CKAP5: variants seen among roughly 807,000 people sequenced by gnomAD.
The protein encoded by CKAP5 is cytoskeleton-associated protein 5.
CKAP5 carries 27 observed loss-of-function variants against 232.8 expected under a neutral mutation model. The observed-to-expected ratio is 0.12, with a 90% CI of 0.09 to 0.16. The LOEUF is 0.16. Ranked by LOEUF, CKAP5 falls within the 10% of genes least tolerant of loss-of-function variation. CKAP5 has a pLI of 1.00. For synonymous variants in CKAP5, 785 were observed against 841.1 expected (o/e 0.93, Z 1.16); for missense variants, 1,838 against 2,424.7 (o/e 0.76, Z 5.08).
chr11:46,756,921 A>AT lies in CKAP5; in HGVS notation c.4690-1855dup, dbSNP rs574875888. Among the ~76,000 whole-genome samples the AT allele has an allele frequency of 7.7e-3, 1,013 of 131,142 alleles. 11 individuals are homozygous for AT. Among genetic ancestry groups the AT allele is most frequent in the African/African-American group, 0.017 (618 of 35,794 alleles). 86.0% of individuals were successfully genotyped at this position (131,142 alleles called of 152,430 possible). ...CAGGCATGTGCCACTATGCCCGGCT[A>AT]TTTTTTTTTTTTTTTGTATTTTTAA... is the stretch of plus-strand genomic sequence containing the variant. On this transcript the variant is annotated intron_variant, in intron 35 of 43. Transcript: ENST00000529230.
At chr11:46,821,884 C>A (rs1939542507) in intron 1 of CKAP5, among the ~76,000 whole-genome samples, 1 of 151,746 alleles carries the variant, frequency 6.6e-6, no homozygotes, top group African/African-American at 2.4e-5. Flanking sequence ...ATTGAAAATA[C>A]AAAAATTAGC....
rs764454778 is a variant in CKAP5, at chr11:46,759,232, T to C, written c.4568+37A>G. On this transcript the variant is annotated intron_variant, in intron 34 of 43. Coordinates refer to ENST00000529230, the MANE Select transcript of CKAP5 (RefSeq NM_001008938.4). Reference sequence around the variant, plus strand: ...TTTCACGTAGGCCGTCTGATCATCATGAACTGCTCATATTTAAATGAAAGA... The same window carrying C: ...TTTCACGTAGGCCGTCTGATCATCACGAACTGCTCATATTTAAATGAAAGA... The C allele has an allele frequency of 1.0e-5, 16 of 1,591,038 alleles. 1 individual carries two copies. Among genetic ancestry groups the C allele is most frequent in the African/African-American group, 1.3e-5 (1 of 74,340 alleles).
intron 27 of CKAP5, among the ~76,000 whole-genome samples, chr11:46,766,658 G>A (rs907496560): frequency 9.9e-5 from 15 of 152,010 alleles, no homozygotes; most frequent in South Asian, 2.1e-4. Context: ...GCACAGTTTT[G>A]CAATTTTCCT....
At chr11:46,761,865 G>T in intron 32 of CKAP5, 135 bp downstream of exon 32, 1 of 636,196 alleles carries the variant, frequency 1.6e-6, no homozygotes, top group East Asian at 2.7e-5. Flanking sequence ...CTGGATTCTA[G>T]GACACATTGA....
chr11:46,777,390 T>C, intron 23 of CKAP5, 49 bp downstream of exon 23: 1 of 1,156,832 alleles, frequency 8.6e-7, no homozygotes, highest in Admixed American at 1.8e-5. Context: ...CCCAAAAATA[T>C]GGCTGGCCTA....
chr11:46,844,642 A>AT (rs1293007059), intron 1 of CKAP5, among the ~76,000 whole-genome samples: 6 of 151,804 alleles, frequency 4.0e-5, no homozygotes, highest in Admixed American at 6.6e-5. Context: ...CTTTTAAAAA[A>AT]TTTTTTTTCT....
intron 16 of CKAP5, among the ~76,000 whole-genome samples, chr11:46,787,249 T>C (rs1209429968): frequency 6.6e-6 from 1 of 152,078 alleles, no homozygotes; most frequent in Non-Finnish European, 1.5e-5. Flanking sequence ...ACGAATAAGG[T>C]GCTATGTAAC....
At chr11:46,806,435 T>C (rs1939157167) in intron 8 of CKAP5, among the ~76,000 whole-genome samples, 1 of 152,246 alleles carries the variant, frequency 6.6e-6, no homozygotes, top group Non-Finnish European at 1.5e-5. Flanking sequence ...ACAGAGAATC[T>C]GTAGCTCTCT....
rs1404761415 is a variant in CKAP5 at position 46,777,003 on chromosome 11, T to C, written c.2862+436A>G. Among the ~76,000 whole-genome samples the C allele has an allele frequency of 2.0e-5, 3 of 152,258 alleles. No individual in the cohort carries two copies. In the East Asian group the frequency reaches 5.8e-4, roughly 29 times the overall value. On this transcript the variant is annotated intron_variant, in intron 23 of 43. Coordinates refer to ENST00000529230, the MANE Select transcript of CKAP5 (RefSeq NM_001008938.4). ...GAACTACTAGAAGATCCCACTCTAA[T>C]AGTTCAGAAAAATAAAAGTAGAAAA... is the stretch of plus-strand genomic sequence containing the variant.
intron 1 of CKAP5, among the ~76,000 whole-genome samples, chr11:46,835,482 G>GAA (rs1166734686): frequency 3.2e-4 from 46 of 144,066 alleles, no homozygotes; most frequent in African/African-American, 1.1e-3. Flanking sequence ...TGTTCAAAAA[G>GAA]AAAAAAAAAA....
intron 16 of CKAP5, among the ~76,000 whole-genome samples, chr11:46,785,692 C>A (rs1242408801): frequency 1.3e-5 from 2 of 152,246 alleles, no homozygotes; most frequent in South Asian, 2.1e-4. Context: ...TGCCTGTAAT[C>A]CCAGCACTTT....
At chr11:46,753,123 T>G (rs2065082513) in intron 37 of CKAP5, 187 bp downstream of exon 37, 1 of 492,890 alleles carries the variant, frequency 2.0e-6, no homozygotes. Context: ...ATAAATCAAC[T>G]TCCTAGGCAC....
intron 8 of CKAP5, among the ~76,000 whole-genome samples, chr11:46,806,817 G>C (rs1939165753): frequency 6.6e-6 from 1 of 152,192 alleles, no homozygotes; most frequent in Non-Finnish European, 1.5e-5. Context: ...TCAGAGCTGT[G>C]AACATTTTGT....
Position 46,755,083 on chromosome 11 carries a change from T to C in CKAP5, c.4690-16A>G, listed in dbSNP as rs1376892953. On this transcript the variant is annotated splice_polypyrimidine_tract_variant and intron_variant, in intron 35 of 43. Transcript: ENST00000529230. Reference sequence around the variant, plus strand: ...CCTCATCGATCTGATAACAAAAATTTCAAGATATATTTTCCAAGCTTCATA... The same window carrying C: ...CCTCATCGATCTGATAACAAAAATTCCAAGATATATTTTCCAAGCTTCATA... The C allele has an allele frequency of 6.3e-7, 1 of 1,580,826 alleles. No individual in the cohort carries two copies. Among genetic ancestry groups the C allele is most frequent in the Admixed American group, 1.9e-5 (1 of 53,548 alleles).
In CKAP5 at chr11:46,788,574, C is replaced by CAA. The variant is rs879307241; in HGVS notation, c.1968+105_1968+106dup. The CAA allele has an allele frequency of 1.2e-3, 682 of 583,448 alleles. 2 individuals carry two copies. The highest frequency in any genetic ancestry group is 9.6e-3 in the African/African-American group (447 of 46,690). The allele number at this position is 583,448 out of a possible 1,614,324, so 36.1% of individuals were successfully genotyped here. On this transcript the variant is annotated intron_variant, in intron 16 of 43. Coordinates refer to ENST00000529230, the MANE Select transcript of CKAP5 (RefSeq NM_001008938.4). ...GGGCAACAAGAGCGAAACTCCGTCTCAAAAAAAAAAAAATCATTACGAAAA... is the reference window on the plus strand; with the variant it reads ...GGGCAACAAGAGCGAAACTCCGTCTCAAAAAAAAAAAAAAATCATTACGAAAA...
chr11:46,813,933 A>G (rs1206393266), intron 4 of CKAP5, among the ~76,000 whole-genome samples: 1 of 151,760 alleles, frequency 6.6e-6, no homozygotes, highest in African/African-American at 2.4e-5. Flanking sequence ...GGAGTTCCAG[A>G]CCAGCCTGAC....
intron 30 of CKAP5, 26 bp downstream of exon 30, chr11:46,762,950 C>T (rs747684779): frequency 6.3e-7 from 1 of 1,588,044 alleles, no homozygotes; most frequent in Admixed American, 1.7e-5. Context: ...CTTAAGCAGT[C>T]TCCCAGAGAG....
chr11:46,797,214 A>G (rs535810503), intron 11 of CKAP5, among the ~76,000 whole-genome samples: 1 of 152,224 alleles, frequency 6.6e-6, no homozygotes, highest in South Asian at 2.1e-4. Context: ...CTAAAATACA[A>G]AAACTAGCCG....
intron 15 of CKAP5, 89 bp downstream of exon 15, chr11:46,789,987 A>C (rs888798115): frequency 1.2e-6 from 1 of 815,658 alleles, no homozygotes; most frequent in African/African-American, 1.7e-5. Context: ...TATAAAACAC[A>C]GCAATTAGGA....
Sources: allele counts gnomAD v4.1 joint callset (sites outside exome capture counted in the v4.1 genomes callset), GRCh38; gene constraint gnomAD v4.1.1; transcripts MANE v1.5; gene names NCBI Gene and HGNC (gene_info 2026-07-23, HGNC 2026-07-21).